Variants in SCARA5 observed in about 807,000 individuals in gnomAD.
The protein encoded by SCARA5 is scavenger receptor class A, member 5 (putative).
In SCARA5, 45 loss-of-function variants were observed where a neutral mutation model predicts 46.3. That is an observed-to-expected ratio of 0.97 (90% CI 0.76 to 1.24). SCARA5 has a LOEUF of 1.24. SCARA5 is among the 50% of genes most tolerant of loss of function. The pLI, the probability that SCARA5 is intolerant of heterozygous loss-of-function variation, is 0.00. For missense variants in SCARA5, 680 were observed against 689.0 expected (o/e 0.99, Z 0.15); for synonymous variants, 333 against 306.5 (o/e 1.09, Z -0.90).
chr8:27,966,839 T>C (rs954164588), intron 2 of SCARA5, among the ~76,000 whole-genome samples: 3 of 152,188 alleles, frequency 2.0e-5, no homozygotes, highest in African/African-American at 7.2e-5. Context: ...CAGAAAGACC[T>C]TGAAATAGTC....
chr8:27,934,268 G>C (rs764042354), intron 3 of SCARA5, among the ~76,000 whole-genome samples: 1 of 152,166 alleles, frequency 6.6e-6, no homozygotes, highest in Non-Finnish European at 1.5e-5. Context: ...GGCTAGGAGA[G>C]CTAGGAAGAC....
At chr8:27,885,487 C>T (rs574633356) in intron 7 of SCARA5, among the ~76,000 whole-genome samples, 4 of 152,246 alleles carry the variant, frequency 2.6e-5, no homozygotes, top group East Asian at 3.9e-4. Flanking sequence ...GTACAGGGCC[C>T]GGTGCACTGA....
rs768963483 is a variant in SCARA5 at position 27,921,881 on chromosome 8, G to T, written c.606C>A (p.His202Gln). 1 of 1,498,010 alleles carries T rather than the reference G, an allele frequency of 6.7e-7. No homozygotes were observed. The highest frequency in any genetic ancestry group is 2.3e-5 in the Admixed American group (1 of 44,156). 92.8% of individuals were successfully genotyped at this position (1,498,010 alleles called of 1,614,324 possible). A position where few individuals can be genotyped will look rare whatever the true frequency, so the allele number is the denominator to read the frequency against. Residue 202 changes from histidine (H) to glutamine (Q), a missense_variant, in exon 4 of 9, where the codon CAC (histidine) becomes CAA (glutamine). Transcript: ENST00000354914. ...GCGCCAGCCCGTCCAGCAGGCCCGCGTGGCGCCTCAGCAGCAGCTGGCTAC... is the reference window on the plus strand; with the variant it reads ...GCGCCAGCCCGTCCAGCAGGCCCGCTTGGCGCCTCAGCAGCAGCTGGCTAC... ...SNSSQLLLRR[H>Q]AGLLDGLARR...
chr8:27,935,798 A>T (rs1467625807), intron 3 of SCARA5, among the ~76,000 whole-genome samples: 2 of 152,096 alleles, frequency 1.3e-5, no homozygotes, highest in African/African-American at 4.8e-5. Context: ...CATTCAAACA[A>T]ATACTGCCTG....
chr8:27,922,795 G>T (rs1807620430), intron 3 of SCARA5, among the ~76,000 whole-genome samples: 1 of 152,190 alleles, frequency 6.6e-6, no homozygotes, highest in Non-Finnish European at 1.5e-5. Flanking sequence ...AGTAAGGGGG[G>T]TCTTTAGGAG....
intron 4 of SCARA5, among the ~76,000 whole-genome samples, chr8:27,919,368 T>C (rs967035346): frequency 6.6e-6 from 1 of 151,860 alleles, no homozygotes; most frequent in African/African-American, 2.4e-5. Context: ...TCCAGGGCAG[T>C]GACGAGATGT....
chr8:27,930,149 C>G (rs1807746228), intron 3 of SCARA5, among the ~76,000 whole-genome samples: 1 of 152,182 alleles, frequency 6.6e-6, no homozygotes, highest in African/African-American at 2.4e-5. Flanking sequence ...CCACCCAAAT[C>G]TCATCTTGAA....
At chr8:27,975,373 T>C (rs118070083) in intron 2 of SCARA5, among the ~76,000 whole-genome samples, 3 of 152,184 alleles carry the variant, frequency 2.0e-5, no homozygotes, top group East Asian at 1.9e-4. Context: ...GTAAAGTGTT[T>C]CCCTGAGTTC....
Position 27,905,530 on chromosome 8 carries a change from G to A in SCARA5, c.1097-696C>T, listed in dbSNP as rs1807241853. On this transcript the variant is annotated intron_variant, in intron 6 of 8. Coordinates refer to ENST00000354914, the MANE Select transcript of SCARA5 (RefSeq NM_173833.6). The stretch of plus-strand genomic sequence containing the variant: ...CCAGGATGATCCAAGATTTGGGGGG[G>A]GGAAAAAAAAAAGGCAGCCATATAC... Among the ~76,000 whole-genome samples, 3 of 88,656 alleles carry A rather than the reference G, an allele frequency of 3.4e-5. 1 individual carries two copies. Among genetic ancestry groups the A allele is most frequent in the East Asian group, 2.5e-4 (1 of 3,964 alleles). The allele number at this position is 88,656 out of a possible 152,430, so 58.2% of individuals were successfully genotyped here. A position where few individuals can be genotyped will look rare whatever the true frequency, so the allele number is the denominator to read the frequency against.
At chr8:27,945,674 T>G (rs550561290) in intron 3 of SCARA5, among the ~76,000 whole-genome samples, 2 of 152,352 alleles carry the variant, frequency 1.3e-5, no homozygotes, top group East Asian at 3.9e-4. Flanking sequence ...CCAGGTCTTA[T>G]ACTTCCTTGG....
chr8:27,980,385 C>T (rs1038154038), intron 2 of SCARA5, among the ~76,000 whole-genome samples: 3 of 152,200 alleles, frequency 2.0e-5, no homozygotes, highest in Non-Finnish European at 4.4e-5. Context: ...TCTGTCCTCA[C>T]TGCGGGCCTC....
intron 3 of SCARA5, among the ~76,000 whole-genome samples, chr8:27,934,124 C>T (rs115307506): frequency 3.8e-4 from 58 of 152,278 alleles, no homozygotes; most frequent in African/African-American, 1.3e-3. Context: ...AACCAAATTT[C>T]GGTCCAGTTT....
chr8:27,887,336 G>A (rs897799386), intron 7 of SCARA5, among the ~76,000 whole-genome samples: 3 of 152,156 alleles, frequency 2.0e-5, no homozygotes, highest in South Asian at 4.1e-4. Context: ...GAGGGCGTTA[G>A]GTGCAGAGAC....
intron 4 of SCARA5, among the ~76,000 whole-genome samples, chr8:27,911,556 G>A (rs899187824): frequency 6.6e-6 from 1 of 152,178 alleles, no homozygotes; most frequent in African/African-American, 2.4e-5. Context: ...GCCAGGCATG[G>A]TGGTGGGCGC....
At chr8:27,888,159 C>G (rs1806927345) in intron 7 of SCARA5, among the ~76,000 whole-genome samples, 1 of 152,100 alleles carries the variant, frequency 6.6e-6, no homozygotes, top group Non-Finnish European at 1.5e-5. Flanking sequence ...CAGGCTCAAG[C>G]CATTCTCTCC....
chr8:27,877,772 C>G (rs1231305881), intron 8 of SCARA5, among the ~76,000 whole-genome samples: 2 of 152,156 alleles, frequency 1.3e-5, no homozygotes. Flanking sequence ...CCTTCGAACT[C>G]GCCCCTCAAA....
In SCARA5 at chr8:27,922,084, G is replaced by C. The variant is rs375830379; in HGVS notation, c.403C>G (p.Gln135Glu). The change falls in exon 4 of 9, where the codon CAG becomes GAG. Residue 135 changes from glutamine to glutamate, a missense_variant. By Grantham distance (29) the Gln-to-Glu change is conservative. Transcript: ENST00000354914. ...GCCAGCGCCAGCAACGAGTCTGACT[G>C]GTTCTGCAGCGCGTCCTGCACCTTC... Reference protein sequence around the residue: ...VWKVQDALQNQSDSLLALAGA... With the variant: ...VWKVQDALQNESDSLLALAGA... The C allele has an allele frequency of 6.2e-7, 1 of 1,600,218 alleles. No homozygotes were observed.
Position 27,871,600 on chromosome 8 carries a change from G to T in SCARA5, c.*334C>A. 8.6e-7 allele frequency: 1 copy of T among 1,169,520 alleles called. No homozygotes were observed. The highest frequency in any genetic ancestry group is 3.9e-5 in the Admixed American group (1 of 25,600). 72.4% of individuals were successfully genotyped at this position (1,169,520 alleles called of 1,614,324 possible). ...TCTGACACATTCTCAGCATTCACCT[G>T]TAACTAAAAGGCCAAAGGGAACTGG... is the stretch of plus-strand genomic sequence containing the variant. On this transcript the variant is annotated 3_prime_UTR_variant, in exon 9 of 9. Transcript: ENST00000354914.
intron 7 of SCARA5, among the ~76,000 whole-genome samples, chr8:27,899,142 C>G (rs1807110950): frequency 6.6e-6 from 1 of 152,224 alleles, no homozygotes; most frequent in African/African-American, 2.4e-5. Flanking sequence ...CTTATATGTT[C>G]TGGAAGCTTG....
Sources: allele counts gnomAD v4.1 joint callset (sites outside exome capture counted in the v4.1 genomes callset), GRCh38; gene constraint gnomAD v4.1.1; transcripts MANE v1.5; gene names NCBI Gene and HGNC (gene_info 2026-07-23, HGNC 2026-07-21).